The following ATP2B2 variants were observed in gnomAD, a reference collection of about 807,000 sequenced individuals.
ATP2B2 encodes plasma membrane calcium-transporting ATPase 2.
A neutral mutation model predicts 120.0 loss-of-function variants in ATP2B2; 15 were observed. That is an observed-to-expected ratio of 0.12 (90% CI 0.08 to 0.19). The LOEUF is 0.19. Ranked by LOEUF, ATP2B2 falls within the 10% of genes least tolerant of loss-of-function variation. The pLI, the probability that ATP2B2 is intolerant of heterozygous loss-of-function variation, is 1.00. For synonymous variants in ATP2B2, 694 were observed against 700.3 expected, an observed-to-expected ratio of 0.99 and a Z score of 0.14; for missense variants, 1,045 against 1,719.8, an observed-to-expected ratio of 0.61 and a Z score of 6.94.
chr3:10,485,078 G>A (rs528390789), intron 1 of ATP2B2, among the ~76,000 whole-genome samples: 172 of 152,324 alleles, frequency 1.1e-3, no homozygotes, highest in Non-Finnish European at 2.2e-3. Flanking sequence ...CTTCAGGAAG[G>A]GGTGTGAGAG....
intron 2 of ATP2B2, among the ~76,000 whole-genome samples, chr3:10,543,163 A>C (rs1013526671): frequency 2.0e-5 from 3 of 152,234 alleles, no homozygotes; most frequent in African/African-American, 7.2e-5. Flanking sequence ...ATAAAATTTA[A>C]AAAACTTGAT....
At chr3:10,497,623 T>C (rs2066206697) in intron 1 of ATP2B2, among the ~76,000 whole-genome samples, 1 of 152,222 alleles carries the variant, frequency 6.6e-6, no homozygotes, top group African/African-American at 2.4e-5. Context: ...ATGGTGGGAC[T>C]AAGGCACAGA....
chr3:10,412,732 C>T (rs1330960680), intron 2 of ATP2B2, among the ~76,000 whole-genome samples: 1 of 152,194 alleles, frequency 6.6e-6, no homozygotes, highest in East Asian at 1.9e-4. Flanking sequence ...TCCCTCAGGG[C>T]CTGGCACCTG....
chr3:10,683,760 G>GTGTGTATATATATATATATATA (rs1446781892), intron 1 of ATP2B2, among the ~76,000 whole-genome samples: 4 of 53,886 alleles, frequency 7.4e-5, no homozygotes, highest in Non-Finnish European at 1.1e-4. Flanking sequence ...GTGTGTGTGT[G>GTGTGTATATATATATATATATA]TATATATATA....
chr3:10,421,198 G>A (rs961591488), intron 2 of ATP2B2, among the ~76,000 whole-genome samples: 8 of 152,138 alleles, frequency 5.3e-5, no homozygotes, highest in African/African-American at 1.4e-4. Context: ...AGGTGCTTTC[G>A]GCACAGCATC....
chr3:10,365,049 T>C (rs1001474223), intron 12 of ATP2B2, among the ~76,000 whole-genome samples: 1 of 152,250 alleles, frequency 6.6e-6, no homozygotes, highest in Non-Finnish European at 1.5e-5. Context: ...GGGGCTGCTC[T>C]TTCTCTCATT....
intron 22 of ATP2B2, chr3:10,336,230 G>A: frequency 6.4e-7 from 1 of 1,550,624 alleles, no homozygotes; most frequent in Non-Finnish European, 8.7e-7. Context: ...GCTCTGGCTG[G>A]TGACCGAGGA....
At position 10,378,343 on chromosome 3, in the gene ATP2B2, A is replaced by C. The variant is rs1559253277; in HGVS notation, c.1110T>G (p.Ala370=). 2 of 1,608,086 alleles carry C rather than the reference A, an allele frequency of 1.2e-6. No homozygotes were observed. The highest frequency in any genetic ancestry group is 1.7e-6 in the Non-Finnish European group (2 of 1,180,008). The part of the protein sequence containing the change: ...QPLKSAEGGD[A]DDRKKASMHK... ...GCATGCTGGCCTTCTTCCTGTCGTCAGCGTCGCCGCCCTCGGCACTCTTGA... is the reference window on the plus strand; with the variant it reads ...GCATGCTGGCCTTCTTCCTGTCGTCCGCGTCGCCGCCCTCGGCACTCTTGA... The change falls in exon 10 of 23, where the codon GCT becomes GCG. Residue 370 remains alanine, a synonymous_variant. Coordinates refer to ENST00000360273, the MANE Select transcript of ATP2B2 (RefSeq NM_001001331.4).
At chr3:10,359,062 A>G in intron 13 of ATP2B2, 137 bp from the exon 14 acceptor site, 1 of 851,854 alleles carries the variant, frequency 1.2e-6, no homozygotes, top group Non-Finnish European at 1.8e-6. Flanking sequence ...TCCCCCAGGC[A>G]GGGTGAAATC....
intron 12 of ATP2B2, among the ~76,000 whole-genome samples, chr3:10,369,290 C>T (rs1442385946): frequency 2.0e-5 from 3 of 152,160 alleles, no homozygotes; most frequent in Admixed American, 6.5e-5. Context: ...TTCATCTGAA[C>T]CTAGAAAGGG....
chr3:10,669,468 G>A (rs1292530138), intron 1 of ATP2B2, among the ~76,000 whole-genome samples: 1 of 151,894 alleles, frequency 6.6e-6, no homozygotes, highest in African/African-American at 2.4e-5. Flanking sequence ...CGCTGTGTTT[G>A]GGGCTCACCT....
chr3:10,464,543 T>C (rs1029597041), intron 1 of ATP2B2, among the ~76,000 whole-genome samples: 1 of 152,050 alleles, frequency 6.6e-6, no homozygotes, highest in East Asian at 1.9e-4. Context: ...TGCCCTCTCC[T>C]CTCTTCTCTG....
At chr3:10,469,953 G>C (rs888443211) in intron 1 of ATP2B2, among the ~76,000 whole-genome samples, 21 of 152,066 alleles carry the variant, frequency 1.4e-4, no homozygotes, top group Non-Finnish European at 2.5e-4. Context: ...CAGATTTCAG[G>C]AGCCCAGACC....
At position 10,515,269 on chromosome 3, in the gene ATP2B2, T is replaced by G. The variant is rs888343890; in HGVS notation, c.-320+18770A>C. On this transcript the variant is annotated intron_variant, in intron 3 of 21. Coordinates refer to the ATP2B2 transcript ENST00000646379. ...GGGAGTGTTGGGAGGCATAAATGAG[T>G]AATACATATGTACATGGCACATAGT... 2.6e-5 allele frequency among the ~76,000 whole-genome samples: 4 copies of G among 152,150 alleles called. No homozygotes were observed. The East Asian group carries it at 7.7e-4, about 29-fold the overall frequency.
At position 10,567,719 on chromosome 3, in the gene ATP2B2, T is replaced by C. The variant is rs529158014; in HGVS notation, c.-414-33586A>G. 2.6e-5 allele frequency among the ~76,000 whole-genome samples: 4 copies of C among 152,352 alleles called. No homozygotes were observed. In the South Asian group the frequency reaches 6.2e-4, roughly 24 times the overall value. On this transcript the variant is annotated intron_variant, in intron 2 of 21. Coordinates refer to the ATP2B2 transcript ENST00000646379. ...TATTATTTCTATTGATAATTAATCA[T>C]GGAACATGGGGAATGTGTGCTTGGC...
chr3:10,416,666 G>A (rs1246181004), intron 2 of ATP2B2, among the ~76,000 whole-genome samples: 1 of 152,134 alleles, frequency 6.6e-6, no homozygotes, highest in Non-Finnish European at 1.5e-5. Flanking sequence ...AAGGGAGCCT[G>A]TGCTTTGGCC....
intron 1 of ATP2B2, among the ~76,000 whole-genome samples, chr3:10,701,210 C>T (rs746024427): frequency 2.6e-5 from 4 of 152,160 alleles, no homozygotes; most frequent in Admixed American, 6.5e-5. Context: ...CTGATGGCAG[C>T]GTTGGAGAAA....
chr3:10,525,717 C>T (rs777187559), intron 3 of ATP2B2, among the ~76,000 whole-genome samples: 1 of 151,922 alleles, frequency 6.6e-6, no homozygotes, highest in Non-Finnish European at 1.5e-5. Context: ...TTTTGGGCTA[C>T]AAGAAATATT....
chr3:10,669,459 G>A (rs114911925), intron 1 of ATP2B2, among the ~76,000 whole-genome samples: 3,965 of 152,160 alleles, frequency 0.026, 77 homozygotes, highest in South Asian at 0.089. Context: ...CTCCCTGAAC[G>A]CTGTGTTTGG....
Sources: gnomAD v4.1 joint callset for allele counts (sites outside exome capture counted in the v4.1 genomes callset) on GRCh38, gnomAD v4.1.1 for gene constraint, MANE v1.5 for transcripts, NCBI Gene and HGNC (gene_info 2026-07-23, HGNC 2026-07-21) for gene names.